The following FADS6 variants were observed in gnomAD, a reference collection of about 807,000 sequenced individuals.
The protein encoded by FADS6 is fatty acid desaturase 6.
Under a neutral mutation model 31.7 loss-of-function variants are expected in FADS6, and 28 were observed. The observed-to-expected ratio is 0.88, with a 90% confidence interval of 0.66 to 1.21. The LOEUF is 1.21. FADS6 is among the 50% of genes most tolerant of loss of function. The pLI, the probability that FADS6 is intolerant of heterozygous loss-of-function variation, is 0.00. For missense variants in FADS6, 494 were observed against 504.2 expected (o/e 0.98, Z 0.19); for synonymous variants, 191 against 213.1 (o/e 0.90, Z 0.90).
At chr17:74,888,170 G>A (rs976143317) in intron 2 of FADS6, among the ~76,000 whole-genome samples, 38 of 144,730 alleles carry the variant, frequency 2.6e-4, no homozygotes, top group Non-Finnish European at 3.6e-4. Flanking sequence ...GCGCGCGCGC[G>A]CGCAGAGTAC....
At chr17:74,884,987 C>T (rs1317489321) in intron 2 of FADS6, among the ~76,000 whole-genome samples, 1 of 152,036 alleles carries the variant, frequency 6.6e-6, no homozygotes, top group African/African-American at 2.4e-5. Flanking sequence ...GGGAATACAG[C>T]GTGAGCCACT....
intron 2 of FADS6, among the ~76,000 whole-genome samples, chr17:74,888,228 G>A (rs539520521): frequency 1.3e-5 from 2 of 151,452 alleles, no homozygotes; most frequent in South Asian, 4.2e-4. Context: ...TTAGATAAAT[G>A]TAACTATTGC....
chr17:74,882,005 G>C (rs910443628), intron 3 of FADS6, among the ~76,000 whole-genome samples: 2 of 149,900 alleles, frequency 1.3e-5, no homozygotes, highest in East Asian at 2.0e-4. Flanking sequence ...GTGAGATCTC[G>C]GCTCACTGCA....
rs67402175 is a variant in FADS6, at chr17:74,888,154, ACGCGCGCG to A, written c.411+4361_411+4368del. Among the ~76,000 whole-genome samples, 922 of 134,766 alleles carry A rather than the reference ACGCGCGCG, an allele frequency of 6.8e-3. 6 individuals are homozygous for A. The highest frequency in any genetic ancestry group is 0.019 in the African/African-American group (676 of 35,310). 88.4% of individuals were successfully genotyped at this position (134,766 alleles called of 152,430 possible). ...CACACACACACACACACACACACAC[ACGCGCGCG>A]CGCGCGCGCGCAGAGTACCAATGTC... On this transcript the variant is annotated intron_variant, in intron 2 of 5. Transcript: ENST00000612771.
At chr17:74,886,035 C>G (rs2038618408) in intron 2 of FADS6, among the ~76,000 whole-genome samples, 1 of 151,902 alleles carries the variant, frequency 6.6e-6, no homozygotes. Flanking sequence ...ATCAGGAGAT[C>G]GAGACCATCC....
intron 2 of FADS6, among the ~76,000 whole-genome samples, chr17:74,886,809 T>C (rs1206329310): frequency 1.3e-5 from 2 of 152,144 alleles, no homozygotes; most frequent in African/African-American, 2.4e-5. Context: ...CTGTACTGCT[T>C]CCCACAGCCT....
At chr17:74,878,534 A>C (rs2038532485) in intron 5 of FADS6, 57 bp from the exon 6 acceptor site, 2 of 1,591,120 alleles carry the variant, frequency 1.3e-6, no homozygotes, top group African/African-American at 2.7e-5. Context: ...CAGGCCCATC[A>C]TCCCGTCAGG....
In FADS6 at chr17:74,878,159, G is replaced by C. The variant is rs977368728; in HGVS notation, c.*172C>G. 4.4e-5 allele frequency: 62 copies of C among 1,422,646 alleles called. No homozygotes were observed. Among genetic ancestry groups the C allele is most frequent in the Non-Finnish European group, 5.4e-5 (59 of 1,093,642 alleles). The allele number at this position is 1,422,646 out of a possible 1,614,324, so 88.1% of individuals were successfully genotyped here. A position where few individuals can be genotyped will look rare whatever the true frequency, so the allele number is the denominator to read the frequency against. ...CCTCAAAACCCAGAAAAGCACGCAA[G>C]GCAGGTGGCCCCCAGACCCCAGGCC... On this transcript the variant is annotated 3_prime_UTR_variant, in exon 6 of 6. Coordinates refer to ENST00000612771, the MANE Select transcript of FADS6 (RefSeq NM_178128.6).
chr17:74,875,019 T>C (rs1001188156), downstream of FADS6, among the ~76,000 whole-genome samples: 1 of 152,176 alleles, frequency 6.6e-6, no homozygotes, highest in Non-Finnish European at 1.5e-5. Flanking sequence ...CCCCCAGGGC[T>C]TCACACACTG....
chr17:74,888,213 G>T (rs371374700), intron 2 of FADS6, among the ~76,000 whole-genome samples: 1 of 151,180 alleles, frequency 6.6e-6, no homozygotes, highest in East Asian at 1.9e-4. Flanking sequence ...GATATTGAAT[G>T]ACACTTAGAT....
chr17:74,875,155 C>A (rs1465475722), downstream of FADS6, among the ~76,000 whole-genome samples: 1 of 152,208 alleles, frequency 6.6e-6, no homozygotes. Context: ...ATCCCTCTTC[C>A]TCCACTTACT....
At position 74,878,367 on chromosome 17, in the gene FADS6, C is replaced by T. The variant is rs1306271466; in HGVS notation, c.1071G>A (p.Val357=). ...CAAGCTCAGTGATGGGTGGGGCCTG[C>T]ACCATGAATTCCTCATAGCGACGGA... is the stretch of plus-strand genomic sequence containing the variant. ...LFLRRYEEFM[V]QAPPITELVG... The change falls in exon 6 of 6, where the codon GTG becomes GTA. Residue 357 remains valine (V), a synonymous_variant. Transcript: ENST00000612771. The T allele has an allele frequency of 2.5e-6, 4 of 1,613,844 alleles. No individual in the cohort carries two copies. Among genetic ancestry groups the T allele is most frequent in the Admixed American group, 1.7e-5 (1 of 59,994 alleles).
chr17:74,892,185 C>A (rs985207089), intron 2 of FADS6, among the ~76,000 whole-genome samples: 1 of 152,220 alleles, frequency 6.6e-6, no homozygotes, highest in African/African-American at 2.4e-5. Flanking sequence ...CTTGTGGACA[C>A]TGGGCCCCTC....
Position 74,893,343 on chromosome 17 carries a change from G to T in FADS6, c.244+9C>A, listed in dbSNP as rs568355645. On this transcript the variant is annotated intron_variant, in intron 1 of 5. Coordinates refer to ENST00000612771, the MANE Select transcript of FADS6 (RefSeq NM_178128.6). ...CCCGGCCGGGACGCCGGGTCCCCGC[G>T]TTCCTCACCTGCCGGCAAGGCGAAG... The T allele has an allele frequency of 1.6e-4, 237 of 1,511,712 alleles. No homozygotes were observed. The African/African-American group carries it at 3.1e-3, about 20-fold the overall frequency. 93.6% of individuals were successfully genotyped at this position (1,511,712 alleles called of 1,614,324 possible). A position where few individuals can be genotyped will look rare whatever the true frequency, so the allele number is the denominator to read the frequency against.
intron 2 of FADS6, among the ~76,000 whole-genome samples, chr17:74,889,588 G>A (rs1411716115): frequency 2.6e-5 from 4 of 151,202 alleles, no homozygotes; most frequent in Non-Finnish European, 4.4e-5. Flanking sequence ...AAAAAAGGCC[G>A]GGTACAGTGG....
intron 2 of FADS6, among the ~76,000 whole-genome samples, chr17:74,884,720 C>T (rs201548528): frequency 7.2e-6 from 1 of 138,996 alleles, no homozygotes; most frequent in African/African-American, 2.7e-5. Context: ...GATCCTTTTT[C>T]TTTTTTTTTC....
intron 2 of FADS6, among the ~76,000 whole-genome samples, chr17:74,887,893 G>A (rs983869218): frequency 1.3e-5 from 2 of 151,902 alleles, no homozygotes; most frequent in African/African-American, 4.8e-5. Context: ...TCACCATGTT[G>A]GCCAGGATGG....
chr17:74,880,776 G>T (rs552674952), intron 4 of FADS6, among the ~76,000 whole-genome samples: 2 of 152,318 alleles, frequency 1.3e-5, no homozygotes, highest in Admixed American at 1.3e-4. Context: ...GCACCAACCC[G>T]AAGCTCCTGT....
Position 74,893,342 on chromosome 17 carries a change from C to A in FADS6, c.244+10G>T, listed in dbSNP as rs1263084972. Reference sequence around the variant, plus strand: ...GCCCGGCCGGGACGCCGGGTCCCCGCGTTCCTCACCTGCCGGCAAGGCGAA... The same window carrying A: ...GCCCGGCCGGGACGCCGGGTCCCCGAGTTCCTCACCTGCCGGCAAGGCGAA... On this transcript the variant is annotated intron_variant, in intron 1 of 5. Coordinates refer to ENST00000612771, the MANE Select transcript of FADS6 (RefSeq NM_178128.6). 1 of 1,511,754 alleles carries A rather than the reference C, an allele frequency of 6.6e-7. No homozygotes were observed. Among genetic ancestry groups the A allele is most frequent in the Non-Finnish European group, 8.8e-7 (1 of 1,136,072 alleles). 93.6% of individuals were successfully genotyped at this position (1,511,754 alleles called of 1,614,324 possible).
Sources: gnomAD v4.1 joint callset for allele counts (sites outside exome capture counted in the v4.1 genomes callset) on GRCh38, gnomAD v4.1.1 for gene constraint, MANE v1.5 for transcripts, NCBI Gene and HGNC (gene_info 2026-07-23, HGNC 2026-07-21) for gene names.